MAPKAP1: variants seen among roughly 807,000 people sequenced by gnomAD.
MAPKAP1 encodes the protein target of rapamycin complex 2 subunit MAPKAP1.
In MAPKAP1, 20 loss-of-function variants were observed where a neutral mutation model predicts 65.7. The observed-to-expected ratio is 0.30, with a 90% CI of 0.21 to 0.44. MAPKAP1 has a LOEUF of 0.44. Ranked by LOEUF, MAPKAP1 falls within the 20% of genes least tolerant of loss-of-function variation. The pLI is 1.00. For synonymous variants in MAPKAP1, 222 were observed against 244.3 expected, an observed-to-expected ratio of 0.91 and a Z score of 0.85; for missense variants, 423 against 648.0, an observed-to-expected ratio of 0.65 and a Z score of 3.77.
intron 7 of MAPKAP1, among the ~76,000 whole-genome samples, chr9:125,526,716 T>G (rs1173715396): frequency 6.6e-6 from 1 of 152,130 alleles, no homozygotes; most frequent in African/African-American, 2.4e-5. Flanking sequence ...GTAAGATGTT[T>G]TCTTTTAACA....
chr9:125,651,840 G>A (rs559743280), intron 4 of MAPKAP1, among the ~76,000 whole-genome samples: 2 of 152,260 alleles, frequency 1.3e-5, no homozygotes, highest in African/African-American at 2.4e-5. Context: ...AGGGGTTGGG[G>A]GTAAAGGAGA....
chr9:125,613,416 C>T (rs758974541), intron 4 of MAPKAP1, among the ~76,000 whole-genome samples: 8 of 152,164 alleles, frequency 5.3e-5, no homozygotes, highest in East Asian at 1.9e-4. Context: ...CTCCTTCTCA[C>T]GACACTCAGA....
chr9:125,693,842 C>CACT (rs1835302273), intron 1 of MAPKAP1, among the ~76,000 whole-genome samples: 2 of 127,510 alleles, frequency 1.6e-5, no homozygotes, highest in African/African-American at 8.3e-5. Context: ...TATATATACA[C>CACT]ACATACACAC....
Position 125,705,599 on chromosome 9 carries a change from A to C in MAPKAP1, c.-70+1372T>G, listed in dbSNP as rs1016392849. On this transcript the variant is annotated intron_variant, in intron 1 of 11. Coordinates refer to ENST00000265960, the MANE Select transcript of MAPKAP1 (RefSeq NM_001006617.3). Reference sequence around the variant, plus strand: ...ATCTTATATTTATCTCTAATTGCCTAGCATGGTACCTGGCATATATATACA... The same window carrying C: ...ATCTTATATTTATCTCTAATTGCCTCGCATGGTACCTGGCATATATATACA... 5.9e-5 allele frequency among the ~76,000 whole-genome samples: 9 copies of C among 152,342 alleles called. No homozygotes were observed. In the East Asian group the frequency reaches 1.7e-3, roughly 29 times the overall value.
rs938591972 is a variant in MAPKAP1, at chr9:125,526,876, A to G, written c.958+16183T>C. On this transcript the variant is annotated intron_variant, in intron 7 of 11. Transcript: ENST00000265960. ...CTGCAACCTTTGCCTCCAGGGTTCA[A>G]GTGATTTCTGCCTTAGCCTCCCGAG... Among the ~76,000 whole-genome samples the G allele has an allele frequency of 5.2e-4, 10 of 19,144 alleles. No homozygotes were observed. The Non-Finnish European group carries it at 0.015, about 29-fold the overall frequency. The allele number at this position is 19,144 out of a possible 152,430, so 12.6% of individuals were successfully genotyped here.
At chr9:125,506,761 T>C (rs1227702638) in intron 7 of MAPKAP1, among the ~76,000 whole-genome samples, 2 of 152,228 alleles carry the variant, frequency 1.3e-5, no homozygotes, top group Non-Finnish European at 2.9e-5. Flanking sequence ...GGAATAGTTA[T>C]ACCTTGAAAG....
intron 5 of MAPKAP1, among the ~76,000 whole-genome samples, chr9:125,579,401 C>T (rs569261202): frequency 1.8e-3 from 270 of 152,322 alleles, no homozygotes; most frequent in Non-Finnish European, 3.0e-3. Context: ...AAGTGATTCT[C>T]CTGCCTCGGA....
At position 125,586,781 on chromosome 9, in the gene MAPKAP1, T is replaced by C. The variant is rs558613434; in HGVS notation, c.499-1054A>G. 5.9e-5 allele frequency among the ~76,000 whole-genome samples: 9 copies of C among 152,216 alleles called. No homozygotes were observed. The South Asian group carries it at 6.2e-4, about 11-fold the overall frequency. On this transcript the variant is annotated intron_variant, in intron 4 of 11. Transcript: ENST00000265960. ...CAATATGTTCACCACACAGAGTATA[T>C]AGAAAAGTGTCACAGAAAACGAGTT... is the stretch of plus-strand genomic sequence containing the variant.
At chr9:125,628,173 A>G (rs1833169520) in intron 4 of MAPKAP1, among the ~76,000 whole-genome samples, 1 of 152,226 alleles carries the variant, frequency 6.6e-6, no homozygotes, top group East Asian at 1.9e-4. Flanking sequence ...GAGGCAGAGG[A>G]GGCCATGTGT....
intron 6 of MAPKAP1, among the ~76,000 whole-genome samples, chr9:125,547,917 A>T (rs1019200562): frequency 5.9e-5 from 9 of 152,240 alleles, no homozygotes; most frequent in South Asian, 2.1e-4. Flanking sequence ...AATGGAAATT[A>T]AAAAATCATG....
In MAPKAP1 at chr9:125,687,775, C is replaced by A. The variant is rs1255807725; in HGVS notation, c.-69-15132G>T. Among the ~76,000 whole-genome samples the A allele has an allele frequency of 2.6e-5, 4 of 152,102 alleles. No homozygotes were observed. In the South Asian group the frequency reaches 6.2e-4, roughly 24 times the overall value. ...CTTCAGCCTGGGCAACAGAGTGAGACCCTCTCTCTTAAATTTTTTAAAAAG... is the reference window on the plus strand; with the variant it reads ...CTTCAGCCTGGGCAACAGAGTGAGAACCTCTCTCTTAAATTTTTTAAAAAG... On this transcript the variant is annotated intron_variant, in intron 1 of 11. Transcript: ENST00000265960.
At chr9:125,637,886 C>T (rs1045240410) in intron 4 of MAPKAP1, among the ~76,000 whole-genome samples, 1 of 152,206 alleles carries the variant, frequency 6.6e-6, no homozygotes, top group African/African-American at 2.4e-5. Flanking sequence ...GATTCTACTG[C>T]CTCAGCCTCC....
chr9:125,541,418 T>C (rs2133166096), intron 7 of MAPKAP1, among the ~76,000 whole-genome samples: 1 of 152,322 alleles, frequency 6.6e-6, no homozygotes, highest in Middle Eastern at 3.4e-3. Context: ...CCTTGGACAC[T>C]TCAGAATAAG....
chr9:125,706,862 A>T, intron 1 of MAPKAP1, 109 bp downstream of exon 1: 1 of 355,104 alleles, frequency 2.8e-6, no homozygotes. Flanking sequence ...AGGGCCCGGC[A>T]GGCGGCCCGC....
rs965635636 is a variant in MAPKAP1 at position 125,438,188 on chromosome 9, G to C, written c.*699C>G. 46 of 394,252 alleles carry C rather than the reference G, an allele frequency of 1.2e-4. No individual in the cohort carries two copies. The highest frequency in any genetic ancestry group is 8.2e-4 in the African/African-American group (40 of 48,544). 24.4% of individuals were successfully genotyped at this position (394,252 alleles called of 1,614,324 possible). On this transcript the variant is annotated 3_prime_UTR_variant, in exon 12 of 12. Coordinates refer to ENST00000265960, the MANE Select transcript of MAPKAP1 (RefSeq NM_001006617.3). ...CCCACACTGTCCACGCAGCTCCTGG[G>C]CTCTGAGGTCAGAAGCTGGGGTGTG... is the stretch of plus-strand genomic sequence containing the variant.
At chr9:125,664,099 C>A (rs1462014748) in intron 3 of MAPKAP1, among the ~76,000 whole-genome samples, 1 of 152,144 alleles carries the variant, frequency 6.6e-6, no homozygotes, top group Non-Finnish European at 1.5e-5. Context: ...GTAATCCCAG[C>A]ACTCTGGGAG....
At chr9:125,531,656 G>A (rs1589262692) in intron 7 of MAPKAP1, among the ~76,000 whole-genome samples, 1 of 152,106 alleles carries the variant, frequency 6.6e-6, no homozygotes, top group East Asian at 1.9e-4. Context: ...ATTTTTGTGA[G>A]TTTTCCCATT....
chr9:125,588,984 G>GCTTA (rs1487583039), intron 4 of MAPKAP1, among the ~76,000 whole-genome samples: 1 of 152,142 alleles, frequency 6.6e-6, no homozygotes, highest in African/African-American at 2.4e-5. Flanking sequence ...ACGTCCCAGG[G>GCTTA]CTTAGCAGGT....
chr9:125,640,398 C>G (rs1362644819), intron 4 of MAPKAP1, among the ~76,000 whole-genome samples: 1 of 151,990 alleles, frequency 6.6e-6, no homozygotes, highest in African/African-American at 2.4e-5. Context: ...CCACCATGCC[C>G]GGCCACATTC....
Sources: gnomAD v4.1 joint callset for allele counts (sites outside exome capture counted in the v4.1 genomes callset) on GRCh38, gnomAD v4.1.1 for gene constraint, MANE v1.5 for transcripts, NCBI Gene and HGNC (gene_info 2026-07-23, HGNC 2026-07-21) for gene names.